DNAH17: variants seen among roughly 807,000 people sequenced by gnomAD.
The protein encoded by DNAH17 is axonemal beta dynein heavy chain 17.
In DNAH17, 376 loss-of-function variants were observed where a neutral mutation model predicts 485.6. The observed-to-expected ratio is 0.77, with a 90% confidence interval of 0.71 to 0.84. The LOEUF (loss-of-function observed/expected upper bound fraction) is 0.84. Among genes scored for constraint, DNAH17 ranks in the 40% least tolerant of loss-of-function variants. The probability of loss-of-function intolerance (pLI) is 0.00; values close to 1 mark genes in which losing one functional copy is unlikely to be tolerated. For synonymous variants in DNAH17, 3,031 were observed against 2,405.9 expected, an observed-to-expected ratio of 1.26 and a Z score of -7.60; for missense variants, 6,370 against 5,839.3, an observed-to-expected ratio of 1.09 and a Z score of -2.96.
chr17:78,428,924 TAAAAAAAA>T (rs11409298), intron 76 of DNAH17, among the ~76,000 whole-genome samples, 189 bp downstream of exon 76: 9 of 103,300 alleles, frequency 8.7e-5, no homozygotes, highest in Admixed American at 2.2e-4. Flanking sequence ...TTTCTTTCTT[TAAAAAAAA>T]AAAAAAAAAA....
Position 78,535,993 on chromosome 17 carries a change from G to A in DNAH17, c.2859+1306C>T, listed in dbSNP as rs148641633. ...TCAAACCTCCCTTAAGCGGGGAGCT[G>A]AATTTCCCATGACTTTTGTTGTCCT... On this transcript the variant is annotated intron_variant, in intron 19 of 80. Transcript: ENST00000389840. 8.9e-4 allele frequency among the ~76,000 whole-genome samples: 135 copies of A among 152,214 alleles called. 2 individuals carry two copies. In the East Asian group the frequency reaches 0.015, roughly 17 times the overall value.
chr17:78,486,613 G>GCC (rs1378662612), intron 44 of DNAH17, 107 bp from the exon 45 acceptor site: 1 of 1,357,316 alleles, frequency 7.4e-7, no homozygotes, highest in East Asian at 2.5e-5. Flanking sequence ...TGCTGGGGCT[G>GCC]CCCTCAGGGT....
intron 54 of DNAH17, chr17:78,472,899 A>G (rs2088830589): frequency 1.5e-5 from 5 of 330,762 alleles, no homozygotes; most frequent in Non-Finnish European, 3.1e-5. Flanking sequence ...ACACTACCAC[A>G]TCCTGCCCGC....
chr17:78,437,786 C>CGGCTGCCCCCG lies in DNAH17; in HGVS notation c.11887_11888insCGGGGGCAGCC (p.Arg3963ProfsTer206), dbSNP rs770643315. ...GGCAGGCTCCGCGCTGATGAACACC[C>CGGCTGCCCCCG]GGTAGTCCTCATGGCTGCCCGTGCT... is the stretch of plus-strand genomic sequence containing the variant. On this transcript the variant is annotated frameshift_variant, in exon 74 of 81. Transcript: ENST00000389840. LOFTEE classifies it high-confidence loss of function. The CGGCTGCCCCCG allele has an allele frequency of 3.7e-6, 6 of 1,612,458 alleles. No individual in the cohort carries two copies. The highest frequency in any genetic ancestry group is 5.1e-6 in the Non-Finnish European group (6 of 1,179,784).
intron 20 of DNAH17, among the ~76,000 whole-genome samples, chr17:78,531,371 GCT>G (rs768492453): frequency 1.7e-5 from 2 of 117,598 alleles, no homozygotes; most frequent in South Asian, 2.7e-4. Context: ...ATGGAGTCTT[GCT>G]CTGTCACCAG....
At position 78,486,128 on chromosome 17, in the gene DNAH17, C is replaced by CA. The variant is rs2089595662; in HGVS notation, c.7106dup (p.Asp2370GlyfsTer8). 6.2e-7 allele frequency: 1 copy of CA among 1,613,156 alleles called. No individual in the cohort carries two copies. ...ATTTACTGAACTCCACTCGATAATC[C>CA]ACAAGCTGTTGAGACACAGAAGTAA... On this transcript the variant is annotated frameshift_variant, in exon 46 of 81. Transcript: ENST00000389840. LOFTEE classifies it high-confidence loss of function.
Position 78,437,685 on chromosome 17 carries a change from C to T in DNAH17, c.11989G>A (p.Gly3997Ser). The T allele has an allele frequency of 6.2e-7, 1 of 1,611,944 alleles. No individual in the cohort carries two copies. Among genetic ancestry groups the T allele is most frequent in the Non-Finnish European group, 8.5e-7 (1 of 1,179,468 alleles). ...AIKITNEPPT[G>S]MHANLHKALD... ...GCCTTGTGCAAGTTGGCGTGCATGC[C>T]CGTGGGGGGCTCGTTGGTGATCTTG... Residue 3997 changes from glycine (G) to serine (S), a missense_variant, in exon 74 of 81, where the codon GGC becomes AGC. By Grantham distance (56) the Gly-to-Ser change is moderately conservative. Coordinates refer to ENST00000389840, the MANE Select transcript of DNAH17 (RefSeq NM_173628.4).
intron 79 of DNAH17, 31 bp from the exon 80 acceptor site, chr17:78,425,602 A>G: frequency 1.3e-6 from 2 of 1,565,774 alleles, no homozygotes; most frequent in Non-Finnish European, 1.7e-6. Context: ...CTAGGAGGAG[A>G]GGACATAGAA....
intron 24 of DNAH17, 150 bp downstream of exon 24, chr17:78,526,501 T>C (rs2143254856): frequency 1.6e-6 from 1 of 627,406 alleles, no homozygotes; most frequent in Non-Finnish European, 2.7e-6. Context: ...CACACGTATG[T>C]GCATGCATAC....
chr17:78,491,053 G>A (rs928244034), intron 43 of DNAH17, among the ~76,000 whole-genome samples: 3 of 152,198 alleles, frequency 2.0e-5, no homozygotes, highest in South Asian at 2.1e-4. Context: ...CGCCCACACC[G>A]TGAGGGCTGC....
Position 78,571,391 on chromosome 17 carries a change from GT to G in DNAH17, c.733-14del. On this transcript the variant is annotated splice_polypyrimidine_tract_variant and intron_variant, in intron 4 of 80. Transcript: ENST00000389840. Reference sequence around the variant, plus strand: ...TGGGTCTGTTTAGCTGAGAAGGGGAGTGAAGATCCACCTTTCATTGACCTGG... The same window carrying G: ...TGGGTCTGTTTAGCTGAGAAGGGGAGGAAGATCCACCTTTCATTGACCTGG... 1 of 1,601,842 alleles carries G rather than the reference GT, an allele frequency of 6.2e-7. No individual in the cohort carries two copies. Among genetic ancestry groups the G allele is most frequent in the Non-Finnish European group, 8.6e-7 (1 of 1,169,288 alleles).
In DNAH17 at chr17:78,507,364, C is replaced by T; in HGVS notation, c.4590G>A (p.Leu1530=). ...TGGGTGTTTTCACTGCATCTTCCAT[C>T]AAGGCCTGGGAAGAGAAGGGGATCG... ...FDDINQEFKA[L]MEDAVKTPNV... The change falls in exon 29 of 81, where the codon TTG becomes TTA. Residue 1530 remains leucine, a synonymous_variant. Transcript: ENST00000389840. 6.2e-7 allele frequency: 1 copy of T among 1,614,018 alleles called. No homozygotes were observed. The highest frequency in any genetic ancestry group is 1.1e-5 in the South Asian group (1 of 91,084).
chr17:78,473,774 A>C (rs147400292), intron 54 of DNAH17, among the ~76,000 whole-genome samples: 2 of 152,254 alleles, frequency 1.3e-5, no homozygotes, highest in East Asian at 3.9e-4. Context: ...GCCGTCATGA[A>C]CGTAAACCAA....
rs768110540 is a variant in DNAH17, at chr17:78,567,015, A to C, written c.1436T>G (p.Leu479Trp). ...KVFADCKYDP[L>W]DPGDSNFDRD... ...AGGACCTACCGAGTCTCCAGGGTCC[A>C]AGGGATCATATTTGCAGTCGGCAAA... is the stretch of plus-strand genomic sequence containing the variant. The change falls in exon 10 of 81, where the codon TTG (leucine) becomes TGG (tryptophan). Residue 479 changes from leucine (L) to tryptophan (W), a missense_variant. Leu to Trp is a moderately conservative substitution (Grantham distance 61). Coordinates refer to ENST00000389840, the MANE Select transcript of DNAH17 (RefSeq NM_173628.4). 1 of 1,613,252 alleles carries C rather than the reference A, an allele frequency of 6.2e-7. No individual in the cohort carries two copies. Among genetic ancestry groups the C allele is most frequent in the African/African-American group, 1.3e-5 (1 of 74,876 alleles).
intron 27 of DNAH17, 29 bp from the exon 28 acceptor site, chr17:78,507,834 C>T: frequency 1.3e-6 from 2 of 1,506,912 alleles, no homozygotes; most frequent in Non-Finnish European, 1.8e-6. Flanking sequence ...AATAAGGTCA[C>T]TGAGCATTTG....
At chr17:78,477,750 TGGGGATATAA>T (rs780937584) in intron 51 of DNAH17, among the ~76,000 whole-genome samples, 2 of 152,114 alleles carry the variant, frequency 1.3e-5, no homozygotes, top group Non-Finnish European at 2.9e-5. Flanking sequence ...CTCAGTAAAA[TGGGGATATAA>T]GCACCAAACT....
intron 26 of DNAH17, among the ~76,000 whole-genome samples, 200 bp downstream of exon 26, chr17:78,514,574 G>A (rs928018289): frequency 2.8e-4 from 42 of 151,264 alleles, no homozygotes; most frequent in Non-Finnish European, 4.9e-4. Context: ...GATGGTAAAC[G>A]GAGCCTGCCC....
At chr17:78,499,147 G>A (rs1424231977) in intron 36 of DNAH17, 35 bp from the exon 37 acceptor site, 2 of 1,475,206 alleles carry the variant, frequency 1.4e-6, no homozygotes, top group Admixed American at 2.3e-5. Context: ...GAAGAGCTGG[G>A]AGGGTGACAG....
chr17:78,530,832 G>C (rs1309591959), intron 20 of DNAH17, among the ~76,000 whole-genome samples: 1 of 152,158 alleles, frequency 6.6e-6, no homozygotes, highest in Non-Finnish European at 1.5e-5. Flanking sequence ...CTCCTAAAGG[G>C]CATCCCTAGC....
Sources: allele counts gnomAD v4.1 joint callset (sites outside exome capture counted in the v4.1 genomes callset), GRCh38; gene constraint gnomAD v4.1.1; transcripts MANE v1.5; gene names NCBI Gene and HGNC (gene_info 2026-07-23, HGNC 2026-07-21).